The following DAB2IP variants were observed in gnomAD, a reference collection of about 807,000 sequenced individuals.
DAB2IP encodes the protein DAB2 interacting protein.
Under a neutral mutation model 107.2 loss-of-function variants are expected in DAB2IP, and 28 were observed. The ratio of observed to expected loss-of-function variants is 0.26; its 90% confidence interval spans 0.19 to 0.36. The LOEUF (loss-of-function observed/expected upper bound fraction) is 0.36, where lower values mean the gene tolerates loss of function less well. Ranked by LOEUF, DAB2IP falls within the 10% of genes least tolerant of loss-of-function variation. The probability of loss-of-function intolerance (pLI) is 1.00; values close to 1 mark genes in which losing one functional copy is unlikely to be tolerated. For synonymous variants in DAB2IP, 755 were observed against 706.4 expected, an observed-to-expected ratio of 1.07 and a Z score of -1.09; for missense variants, 1,400 against 1,644.7, an observed-to-expected ratio of 0.85 and a Z score of 2.57.
intron 1 of DAB2IP, among the ~76,000 whole-genome samples, chr9:121,646,188 C>T (rs532126786): frequency 2.0e-5 from 3 of 152,158 alleles, no homozygotes; most frequent in Admixed American, 1.3e-4. Context: ...CTGACTGCAC[C>T]GTTTTCTGCA....
chr9:121,758,564 T>C (rs1015848499), intron 4 of DAB2IP, among the ~76,000 whole-genome samples: 1 of 152,134 alleles, frequency 6.6e-6, no homozygotes, highest in African/African-American at 2.4e-5. Flanking sequence ...AGGTCTTCGT[T>C]CATTCCCTCT....
In DAB2IP at chr9:121,760,261, A is replaced by G; in HGVS notation, c.992A>G (p.Lys331Arg). The G allele has an allele frequency of 6.2e-7, 1 of 1,613,926 alleles. No homozygotes were observed. Among genetic ancestry groups the G allele is most frequent in the Admixed American group, 1.7e-5 (1 of 60,016 alleles). The change falls in exon 6 of 16, where the codon AAG (lysine) becomes AGG (arginine). Residue 331 changes from lysine to arginine, a missense_variant. By Grantham distance (26) the Lys-to-Arg change is conservative (BLOSUM62 2). Transcript: ENST00000408936. This position sits in a 1 kb window ranked among gnomAD's most constrained non-coding sequence, Gnocchi z 5.9. Reference sequence around the variant, plus strand: ...GGCCCTGGACCCATGATCCGCATCAAGGCGCGCTACCAAACCATCACCATC... The same window carrying G: ...GGCCCTGGACCCATGATCCGCATCAGGGCGCGCTACCAAACCATCACCATC...
At position 121,699,387 on chromosome 9, in the gene DAB2IP, C is replaced by T. The variant is rs200769141; in HGVS notation, c.291C>T (p.Asp97=). ...GCACCAAGAGCCAGCCCAAGCTGGACCGCAACCACAGCTTCCGCCACATCC... is the reference window on the plus strand; with the variant it reads ...GCACCAAGAGCCAGCCCAAGCTGGATCGCAACCACAGCTTCCGCCACATCC... Residue 97 remains aspartate (D), a synonymous_variant, in exon 3 of 16, where the codon GAC becomes GAT. Coordinates refer to ENST00000408936, the Ensembl canonical transcript of DAB2IP. The surrounding 1 kb of genome is among the most constrained non-coding windows in gnomAD (Gnocchi z 6.2). The T allele has an allele frequency of 3.4e-3, 5,055 of 1,480,430 alleles. 20 individuals are homozygous for T. The highest frequency in any genetic ancestry group is 3.6e-3 in the Non-Finnish European group (4,015 of 1,106,440). 91.7% of individuals were successfully genotyped at this position (1,480,430 alleles called of 1,614,324 possible).
intron 1 of DAB2IP, among the ~76,000 whole-genome samples, chr9:121,622,752 C>T (rs760307392): frequency 6.6e-6 from 1 of 152,196 alleles, no homozygotes; most frequent in African/African-American, 2.4e-5. Flanking sequence ...CACCCCACCC[C>T]CTGCCCCCAG....
At chr9:121,715,686 C>T (rs1830565184) in intron 3 of DAB2IP, among the ~76,000 whole-genome samples, 1 of 152,166 alleles carries the variant, frequency 6.6e-6, no homozygotes, top group African/African-American at 2.4e-5. Flanking sequence ...ATCAAAATGC[C>T]AGGTCAACTA....
At position 121,641,995 on chromosome 9, in the gene DAB2IP, TTC is replaced by T. The variant is rs71370683; in HGVS notation, c.41-36647_41-36646del. On this transcript the variant is annotated intron_variant, in intron 1 of 16. Coordinates refer to the DAB2IP transcript ENST00000259371. ...CTCTTTCTTTCTTTCTTTCTTTCCT[TTC>T]TCTCTCTCTCTCTCTCTCTCTCTCT... Among the ~76,000 whole-genome samples, 325 of 34,934 alleles carry T rather than the reference TTC, an allele frequency of 9.3e-3. 8 individuals carry two copies. The highest frequency in any genetic ancestry group is 0.016 in the African/African-American group (107 of 6,780). 22.9% of individuals were successfully genotyped at this position (34,934 alleles called of 152,430 possible).
chr9:121,754,679 A>C (rs1431816911), intron 3 of DAB2IP, among the ~76,000 whole-genome samples: 2 of 152,016 alleles, frequency 1.3e-5, no homozygotes, highest in Non-Finnish European at 2.9e-5. Flanking sequence ...GTGGGGAAGG[A>C]AGGGGAGGGC....
intron 1 of DAB2IP, among the ~76,000 whole-genome samples, chr9:121,589,191 G>A (rs1830372897): frequency 1.3e-5 from 2 of 152,102 alleles, no homozygotes; most frequent in African/African-American, 2.4e-5. Context: ...CACATGGAGA[G>A]GGGCCAGTAA....
chr9:121,783,604 G>A (rs1453351618), exon 16 of DAB2IP: 13 of 1,598,048 alleles, frequency 8.1e-6, no homozygotes, highest in Admixed American at 5.0e-5. Flanking sequence ...TTGAGCGTGC[G>A]CACTGCATGG....
chr9:121,667,272 A>C (rs1833482144), intron 1 of DAB2IP, among the ~76,000 whole-genome samples: 1 of 152,040 alleles, frequency 6.6e-6, no homozygotes, highest in Non-Finnish European at 1.5e-5. Context: ...TTGGCCTCCC[A>C]AAGTGCTGGG....
At chr9:121,733,998 A>T (rs1194907294) in intron 3 of DAB2IP, among the ~76,000 whole-genome samples, 1 of 152,260 alleles carries the variant, frequency 6.6e-6, no homozygotes, top group Non-Finnish European at 1.5e-5. Flanking sequence ...ACCAGGAGTG[A>T]CTGGATCAGG....
intron 3 of DAB2IP, among the ~76,000 whole-genome samples, chr9:121,718,493 G>A (rs1232812522): frequency 6.6e-6 from 1 of 152,112 alleles, no homozygotes; most frequent in Non-Finnish European, 1.5e-5. Flanking sequence ...CTCCAGACTC[G>A]AGTCCTTACA....
intron 3 of DAB2IP, among the ~76,000 whole-genome samples, chr9:121,755,023 C>T (rs1338863105): frequency 6.6e-6 from 1 of 152,246 alleles, no homozygotes; most frequent in Non-Finnish European, 1.5e-5. Context: ...CAGGGCGTCT[C>T]TTCCACTGAG....
chr9:121,583,308 T>C (rs56839190), intron 1 of DAB2IP, among the ~76,000 whole-genome samples: 5,106 of 152,172 alleles, frequency 0.034, 272 homozygotes, highest in African/African-American at 0.12. Context: ...AGAGAATTGC[T>C]TGAACCTGGG....
chr9:121,641,823 CTCTTTCTTTCTTT>C (rs1195634661), intron 1 of DAB2IP, among the ~76,000 whole-genome samples: 10 of 151,850 alleles, frequency 6.6e-5, no homozygotes, highest in Admixed American at 3.3e-4. Context: ...TTCTTCCTTC[CTCTTTCTTTCTTT>C]TCTTTCTTTC....
intron 1 of DAB2IP, among the ~76,000 whole-genome samples, chr9:121,583,689 C>T (rs1241563555): frequency 1.3e-5 from 2 of 152,120 alleles, no homozygotes; most frequent in Admixed American, 6.6e-5. Context: ...TTTAGCTGCC[C>T]GCATAGCACT....
rs893456631 is a variant in DAB2IP at position 121,699,136 on chromosome 9, G to A, written c.229-189G>A. On this transcript the variant is annotated intron_variant, in intron 2 of 15. Transcript: ENST00000408936. This position sits in a 1 kb window ranked among gnomAD's most constrained non-coding sequence, Gnocchi z 6.2. Reference sequence around the variant, plus strand: ...CGGGGTGGGCTGGGCCGCGCTGCGCGGGCCGGGCCGTCGGCGCTCGGTCGG... The same window carrying A: ...CGGGGTGGGCTGGGCCGCGCTGCGCAGGCCGGGCCGTCGGCGCTCGGTCGG... 2.6e-4 allele frequency among the ~76,000 whole-genome samples: 38 copies of A among 145,506 alleles called. No individual in the cohort carries two copies. Among genetic ancestry groups the A allele is most frequent in the Non-Finnish European group, 4.6e-4 (30 of 65,578 alleles).
At chr9:121,676,553 C>T (rs987994123) in intron 1 of DAB2IP, among the ~76,000 whole-genome samples, 7 of 152,178 alleles carry the variant, frequency 4.6e-5, no homozygotes, top group African/African-American at 1.7e-4. Context: ...CCAGGCACCC[C>T]CCACGCACCA....
At chr9:121,627,880 C>T (rs1831720750) in intron 1 of DAB2IP, among the ~76,000 whole-genome samples, 1 of 152,130 alleles carries the variant, frequency 6.6e-6, no homozygotes, top group Admixed American at 6.5e-5. Flanking sequence ...TGTAGAATTC[C>T]ACCTCACTGT....
Sources: allele counts gnomAD v4.1 joint callset (sites outside exome capture counted in the v4.1 genomes callset), GRCh38; gene constraint gnomAD v4.1.1; non-coding constraint Gnocchi (gnomAD v3.1); transcripts MANE v1.5; gene names NCBI Gene and HGNC (gene_info 2026-07-23, HGNC 2026-07-21).